The following PTH1R variants were observed in gnomAD, a reference collection of about 807,000 sequenced individuals.
PTH1R encodes parathyroid hormone/parathyroid hormone-related peptide receptor.
A neutral mutation model predicts 70.7 loss-of-function variants in PTH1R; 32 were observed. The ratio of observed to expected loss-of-function variants is 0.45; its 90% CI spans 0.34 to 0.61. The LOEUF is 0.61. PTH1R is among the 20% of genes least tolerant of loss of function. PTH1R has a pLI of 0.01. For missense variants in PTH1R, 626 were observed against 792.5 expected, an observed-to-expected ratio of 0.79 and a Z score of 2.52; for synonymous variants, 329 against 324.8, an observed-to-expected ratio of 1.01 and a Z score of -0.14.
chr3:46,882,166 C>T lies in PTH1R; in HGVS notation c.-49+1048C>T, dbSNP rs1056355333. 3 of 148,514 alleles carry T rather than the reference C, an allele frequency of 2.0e-5. No homozygotes were observed. The highest frequency in any genetic ancestry group is 3.0e-5 in the Non-Finnish European group (2 of 67,074). 9.2% of individuals were successfully genotyped at this position (148,514 alleles called of 1,614,324 possible). A position where few individuals can be genotyped will look rare whatever the true frequency, so the allele number is the denominator to read the frequency against. On this transcript the variant is annotated intron_variant, in intron 2 of 15. Transcript: ENST00000449590. This position sits in a 1 kb window ranked among gnomAD's most constrained non-coding sequence, Gnocchi z 4.3. ...TCCTCTCGGCCTCTCCACACTCCCG[C>T]GTCGGCGGCTGCGGAGGGGGTGGGG...
rs890417955 is a variant in PTH1R at position 46,882,898 on chromosome 3, G to A, written c.-48-614G>A. ...TGGGATCTCAGGAGGCCGAACGGCC[G>A]GGGGCTGGCGGCCGGAACACCTAAG... On this transcript the variant is annotated intron_variant, in intron 2 of 15. Transcript: ENST00000449590. The surrounding 1 kb of genome is among the most constrained non-coding windows in gnomAD (Gnocchi z 4.3). 1.3e-5 allele frequency among the ~76,000 whole-genome samples: 2 copies of A among 151,948 alleles called. No individual in the cohort carries two copies. Among genetic ancestry groups the A allele is most frequent in the African/African-American group, 4.8e-5 (2 of 41,402 alleles).
At chr3:46,898,049 G>T in intron 6 of PTH1R, 25 bp from the exon 7 acceptor site, 1 of 1,613,614 alleles carries the variant, frequency 6.2e-7, no homozygotes, top group Admixed American at 1.7e-5. Context: ...CTCCCTGCCG[G>T]CCCTGACCTC....
chr3:46,901,789 T>C lies in PTH1R; in HGVS notation c.1140T>C (p.Asn380=). 6.2e-7 allele frequency: 1 copy of C among 1,613,972 alleles called. No individual in the cohort carries two copies. Among genetic ancestry groups the C allele is most frequent in the Non-Finnish European group, 8.5e-7 (1 of 1,179,934 alleles). Residue 380 remains asparagine, a synonymous_variant, in exon 13 of 16, where the codon AAT becomes AAC. Transcript: ENST00000449590. The surrounding 1 kb of genome is among the most constrained non-coding windows in gnomAD (Gnocchi z 7.3). ...AGCTCAACTTCATCCTCTTCATCAATATCGTCCGGGTGCTCGCCACCAAGC... is the reference window on the plus strand; with the variant it reads ...AGCTCAACTTCATCCTCTTCATCAACATCGTCCGGGTGCTCGCCACCAAGC... ...SIVLNFILFI[N]IVRVLATKLR...
Position 46,879,373 on chromosome 3 carries a change from C to T in PTH1R, c.-106+1530C>T, listed in dbSNP as rs76344762. Among the ~76,000 whole-genome samples the T allele has an allele frequency of 1.5e-3, 226 of 152,320 alleles. 2 individuals are homozygous for T. The highest frequency in any genetic ancestry group is 5.2e-3 in the African/African-American group (217 of 41,582). On this transcript the variant is annotated intron_variant, in intron 1 of 15. Transcript: ENST00000449590. The surrounding 1 kb of genome is among the most constrained non-coding windows in gnomAD (Gnocchi z 4.7). ...TCCTTCCAATCCCTCCATTAATGTT[C>T]TTTTCTCATCACCAAGGGGGAAAGC... is the stretch of plus-strand genomic sequence containing the variant.
chr3:46,901,264 C>A lies in PTH1R; in HGVS notation c.1050-150C>A. ...CACAGGAGGCTACTTCCAAAGAGGC[C>A]TGTGAGGGAGGCCTCAGGCCTGGCC... On this transcript the variant is annotated intron_variant, in intron 11 of 15. Transcript: ENST00000449590. This position sits in a 1 kb window ranked among gnomAD's most constrained non-coding sequence, Gnocchi z 7.3. The A allele has an allele frequency of 8.0e-7, 1 of 1,253,150 alleles. No individual in the cohort carries two copies. The highest frequency in any genetic ancestry group is 1.1e-6 in the Non-Finnish European group (1 of 883,156). 77.6% of individuals were successfully genotyped at this position (1,253,150 alleles called of 1,614,324 possible). A position where few individuals can be genotyped will look rare whatever the true frequency, so the allele number is the denominator to read the frequency against.
At chr3:46,885,562 T>A (rs1298581487) in intron 3 of PTH1R, among the ~76,000 whole-genome samples, 7 of 152,156 alleles carry the variant, frequency 4.6e-5, no homozygotes. Context: ...CCCACTGCTC[T>A]CCAGGGAAGC....
intron 10 of PTH1R, among the ~76,000 whole-genome samples, chr3:46,900,749 A>ATTAT (rs913960242): frequency 2.6e-5 from 4 of 152,070 alleles, no homozygotes; most frequent in African/African-American, 9.7e-5. Flanking sequence ...GTGATACCTT[A>ATTAT]TTATTATATT....
At chr3:46,894,119 T>C in intron 4 of PTH1R, 110 bp downstream of exon 4, 1 of 1,185,788 alleles carries the variant, frequency 8.4e-7, no homozygotes, top group Non-Finnish European at 1.2e-6. Context: ...GGGGGCGGAC[T>C]TAGGTAAAGG....
rs1228678056 is a variant in PTH1R at position 46,902,889 on chromosome 3, T to C, written c.1395+99T>C. The stretch of plus-strand genomic sequence containing the variant: ...CCATTCTTCCACCCTGTTATTTCTT[T>C]GTTCCTCCAAGAACACCCCTGAGGA... On this transcript the variant is annotated intron_variant, in intron 15 of 15. Transcript: ENST00000449590. The surrounding 1 kb of genome is among the most constrained non-coding windows in gnomAD (Gnocchi z 5.4). 1 of 1,525,974 alleles carries C rather than the reference T, an allele frequency of 6.6e-7. No individual in the cohort carries two copies. Among genetic ancestry groups the C allele is most frequent in the Non-Finnish European group, 9.0e-7 (1 of 1,106,970 alleles). 94.5% of individuals were successfully genotyped at this position (1,525,974 alleles called of 1,614,324 possible). A position where few individuals can be genotyped will look rare whatever the true frequency, so the allele number is the denominator to read the frequency against.
chr3:46,898,530 G>A, intron 8 of PTH1R, 58 bp downstream of exon 8: 6 of 1,604,366 alleles, frequency 3.7e-6, no homozygotes, highest in Non-Finnish European at 5.1e-6. Context: ...GGTGGCCGAG[G>A]TCTGATGCGA....
In PTH1R at chr3:46,903,436, G is replaced by A. The variant is rs201620893; in HGVS notation, c.1562G>A (p.Arg521His). 9.3e-6 allele frequency: 15 copies of A among 1,613,186 alleles called. No individual in the cohort carries two copies. The highest frequency in any genetic ancestry group is 6.6e-5 in the South Asian group (6 of 91,054). The change falls in exon 16 of 16, where the codon CGC becomes CAC. Residue 521 changes from arginine to histidine, a missense_variant. Physicochemically the swap from Arg to His is conservative, Grantham distance 29 (BLOSUM62 0). This residue lies in a region of PTH1R where 495 missense variants were observed against 638.7 expected (regional missense o/e 0.77). Transcript: ENST00000449590. This position sits in a 1 kb window ranked among gnomAD's most constrained non-coding sequence, Gnocchi z 4.4. The stretch of plus-strand genomic sequence containing the variant: ...GGACTCGGCCTGCCCCTCAGCCCCC[G>A]CCTACTGCCCACTGCCACCACCAAC... ...RVGLGLPLSPRLLPTATTNGH... is the reference protein window; with the variant it reads ...RVGLGLPLSPHLLPTATTNGH...
At chr3:46,890,973 G>A (rs1465997868) in intron 3 of PTH1R, among the ~76,000 whole-genome samples, 1 of 152,206 alleles carries the variant, frequency 6.6e-6, no homozygotes, top group South Asian at 2.1e-4. Flanking sequence ...GAACAGGAGT[G>A]GGGGCATTCC....
chr3:46,888,220 A>G (rs946432983), intron 3 of PTH1R, among the ~76,000 whole-genome samples: 2 of 152,256 alleles, frequency 1.3e-5, no homozygotes, highest in African/African-American at 4.8e-5. Context: ...TGGGCTTTAC[A>G]GTGAGAGCTT....
At chr3:46,894,218 C>T (rs1247778840) in intron 4 of PTH1R, among the ~76,000 whole-genome samples, 2 of 152,040 alleles carry the variant, frequency 1.3e-5, no homozygotes, top group South Asian at 2.1e-4. Flanking sequence ...TCCTAAGTCT[C>T]GAGCTCAGGT....
At chr3:46,895,480 A>C (rs1331699420) in intron 4 of PTH1R, among the ~76,000 whole-genome samples, 1 of 152,006 alleles carries the variant, frequency 6.6e-6, no homozygotes, top group African/African-American at 2.4e-5. Flanking sequence ...TGCTCACCCC[A>C]CTAGCTGATC....
Position 46,901,533 on chromosome 3 carries a change from TC to T in PTH1R, c.1116+57del. 6.5e-7 allele frequency: 1 copy of T among 1,546,210 alleles called. No homozygotes were observed. Among genetic ancestry groups the T allele is most frequent in the Non-Finnish European group, 8.8e-7 (1 of 1,142,694 alleles). On this transcript the variant is annotated intron_variant, in intron 12 of 15. Transcript: ENST00000449590. The surrounding 1 kb of genome is among the most constrained non-coding windows in gnomAD (Gnocchi z 7.3). Reference sequence around the variant, plus strand: ...GGGGTGGGTGGGATGTGCGCCTGCGTCCCCTGGAACCAGCCCCTGACAGGGA... The same window carrying T: ...GGGGTGGGTGGGATGTGCGCCTGCGTCCCTGGAACCAGCCCCTGACAGGGA...
chr3:46,893,942 GA>G lies in PTH1R; in HGVS notation c.112del (p.Ile38SerfsTer25). ...ADDVMTKEEQ[I>X]FLLHRAQAQC... The stretch of plus-strand genomic sequence containing the variant: ...ATGACGTCATGACTAAAGAGGAACA[GA>G]TCTTCCTGCTGCACCGTGCTCAGGC... On this transcript the variant is annotated frameshift_variant, in exon 4 of 16. Transcript: ENST00000449590. LOFTEE classifies it high-confidence loss of function. The surrounding 1 kb of genome is among the most constrained non-coding windows in gnomAD (Gnocchi z 5.2). The G allele has an allele frequency of 6.2e-7, 1 of 1,614,172 alleles. No individual in the cohort carries two copies. Among genetic ancestry groups the G allele is most frequent in the Non-Finnish European group, 8.5e-7 (1 of 1,180,022 alleles).
rs1450508504 is a variant in PTH1R at position 46,901,009 on chromosome 3, C to G, written c.989-16C>G. The G allele has an allele frequency of 1.3e-6, 2 of 1,576,620 alleles. No homozygotes were observed. The highest frequency in any genetic ancestry group is 1.7e-6 in the Non-Finnish European group (2 of 1,159,612). ...GCAGCCACAGTCCTGCACACTGTCCCCCTCTGTGCCCACAGGTCTGCCCGC... is the reference window on the plus strand; with the variant it reads ...GCAGCCACAGTCCTGCACACTGTCCGCCTCTGTGCCCACAGGTCTGCCCGC... On this transcript the variant is annotated splice_polypyrimidine_tract_variant and intron_variant, in intron 10 of 15. Transcript: ENST00000449590. This position sits in a 1 kb window ranked among gnomAD's most constrained non-coding sequence, Gnocchi z 7.3.
chr3:46,880,510 CA>C (rs2106942287), intron 1 of PTH1R, among the ~76,000 whole-genome samples: 1 of 152,220 alleles, frequency 6.6e-6, no homozygotes, highest in East Asian at 1.9e-4. Context: ...GAGGCTGAGG[CA>C]GGTGGATCAC....
Sources: gnomAD v4.1 joint callset for allele counts (sites outside exome capture counted in the v4.1 genomes callset) on GRCh38, gnomAD v4.1.1 for gene constraint, gnomAD v4.1.1 regional missense constraint, Gnocchi (gnomAD v3.1) non-coding constraint, MANE v1.5 for transcripts, NCBI Gene and HGNC (gene_info 2026-07-23, HGNC 2026-07-21) for gene names.